Variants in PIWIL2 observed in about 807,000 individuals in gnomAD.
PIWIL2 encodes the protein piwi-like protein 2.
PIWIL2 carries 81 observed loss-of-function variants against 116.5 expected under a neutral mutation model. That is an observed-to-expected ratio of 0.70 (90% CI 0.58 to 0.84). PIWIL2 has a LOEUF of 0.84. Among genes scored for constraint, PIWIL2 ranks in the 40% least tolerant of loss-of-function variants. The pLI, the probability that PIWIL2 is intolerant of heterozygous loss-of-function variation, is 0.00. For synonymous variants in PIWIL2, 489 were observed against 429.5 expected (o/e 1.14, Z -1.71); for missense variants, 1,272 against 1,212.3 (o/e 1.05, Z -0.73).
At chr8:22,277,537 T>C (rs1459353567) in intron 1 of PIWIL2, among the ~76,000 whole-genome samples, 1 of 152,172 alleles carries the variant, frequency 6.6e-6, no homozygotes, top group East Asian at 1.9e-4. Context: ...TTTTTTTTTC[T>C]ATTTTTTAAT....
Position 22,330,127 on chromosome 8 carries a change from TTTTC to T in PIWIL2, c.2403+11859_2403+11862del, listed in dbSNP as rs550659823. Among the ~76,000 whole-genome samples the T allele has an allele frequency of 4.4e-3, 670 of 152,286 alleles. 5 individuals carry two copies. The highest frequency in any genetic ancestry group is 0.015 in the African/African-American group (633 of 41,550). ...CCCAGGTTTCAGAGGCTGTCTTCAT[TTTTC>T]TTTCTTATTTCTTTTTCTTATACTG... On this transcript the variant is annotated intron_variant, in intron 20 of 22. Transcript: ENST00000356766.
chr8:22,356,298 C>T lies in PIWIL2; in HGVS notation c.*793C>T, dbSNP rs1563442336. ...TGCTATTACTGGCAGGTGTGCAAGGCGTGTAGTAAAATCAGTTTGTGGCAT... is the reference window on the plus strand; with the variant it reads ...TGCTATTACTGGCAGGTGTGCAAGGTGTGTAGTAAAATCAGTTTGTGGCAT... On this transcript the variant is annotated 3_prime_UTR_variant, in exon 23 of 23. Coordinates refer to ENST00000356766, the MANE Select transcript of PIWIL2 (RefSeq NM_018068.5). The T allele has an allele frequency of 6.6e-6, 1 of 152,044 alleles. No homozygotes were observed. Among genetic ancestry groups the T allele is most frequent in the Non-Finnish European group, 1.5e-5 (1 of 68,024 alleles). The allele number at this position is 152,044 out of a possible 1,614,324, so 9.4% of individuals were successfully genotyped here. A position where few individuals can be genotyped will look rare whatever the true frequency, so the allele number is the denominator to read the frequency against.
At chr8:22,321,349 G>A (rs1273924330) in intron 20 of PIWIL2, among the ~76,000 whole-genome samples, 1 of 152,082 alleles carries the variant, frequency 6.6e-6, no homozygotes, top group African/African-American at 2.4e-5. Flanking sequence ...CTGGGCTCAA[G>A]CGATCCTCCC....
intron 9 of PIWIL2, 31 bp from the exon 10 acceptor site, chr8:22,290,202 A>G: frequency 7.3e-7 from 1 of 1,366,334 alleles, no homozygotes; most frequent in Non-Finnish European, 1.0e-6. Flanking sequence ...TTCTTTGAAA[A>G]TCCTACAGTT....
At chr8:22,329,961 G>A (rs977738017) in intron 20 of PIWIL2, among the ~76,000 whole-genome samples, 1 of 152,120 alleles carries the variant, frequency 6.6e-6, no homozygotes, top group Non-Finnish European at 1.5e-5. Flanking sequence ...AGGCTTTGGG[G>A]ATGTGTCCGT....
At position 22,355,896 on chromosome 8, in the gene PIWIL2, A is replaced by C; in HGVS notation, c.*391A>C. ...AGACCATCCTGGCCAACATGGTGAAACCCCGTCTCTACTAAAATACAAAAA... is the reference window on the plus strand; with the variant it reads ...AGACCATCCTGGCCAACATGGTGAACCCCCGTCTCTACTAAAATACAAAAA... On this transcript the variant is annotated 3_prime_UTR_variant, in exon 23 of 23. Transcript: ENST00000356766. 1 of 182,970 alleles carries C rather than the reference A, an allele frequency of 5.5e-6. No homozygotes were observed. Among genetic ancestry groups the C allele is most frequent in the South Asian group, 1.3e-4 (1 of 7,852 alleles). 11.3% of individuals were successfully genotyped at this position (182,970 alleles called of 1,614,324 possible).
At chr8:22,310,555 T>C (rs895727169) in intron 15 of PIWIL2, among the ~76,000 whole-genome samples, 1 of 152,222 alleles carries the variant, frequency 6.6e-6, no homozygotes, top group African/African-American at 2.4e-5. Flanking sequence ...ATAAAATGCA[T>C]GTTTTTAAAT....
chr8:22,301,804 C>G (rs551404137), intron 10 of PIWIL2, among the ~76,000 whole-genome samples: 13 of 151,862 alleles, frequency 8.6e-5, no homozygotes, highest in Admixed American at 5.9e-4. Flanking sequence ...CAGGTGATGT[C>G]AGGTAACGGT....
intron 1 of PIWIL2, 43 bp from the exon 2 acceptor site, chr8:22,279,298 A>G (rs1430723013): frequency 9.3e-7 from 1 of 1,075,322 alleles, no homozygotes; most frequent in Non-Finnish European, 1.4e-6. Flanking sequence ...TTGAAGGAAA[A>G]GGAAAACAAT....
At chr8:22,289,676 C>T (rs900359290) in intron 8 of PIWIL2, among the ~76,000 whole-genome samples, 171 bp from the exon 9 acceptor site, 2 of 152,196 alleles carry the variant, frequency 1.3e-5, no homozygotes, top group African/African-American at 4.8e-5. Flanking sequence ...AATGCTTTGG[C>T]AGTTTTTGGT....
intron 20 of PIWIL2, among the ~76,000 whole-genome samples, chr8:22,349,283 G>A (rs906654370): frequency 3.3e-5 from 5 of 150,856 alleles, no homozygotes; most frequent in Admixed American, 2.6e-4. Context: ...CTGGGATTAC[G>A]GGCGTGAGCC....
intron 10 of PIWIL2, among the ~76,000 whole-genome samples, chr8:22,294,894 T>C (rs13252071): frequency 1 from 115,768 of 116,316 alleles, 57,610 homozygotes; most frequent in Middle Eastern, 1. Flanking sequence ...AATCCCATCT[T>C]TACTGGAAAA....
At chr8:22,299,502 CCAGT>C (rs2132021244) in intron 10 of PIWIL2, among the ~76,000 whole-genome samples, 1 of 152,156 alleles carries the variant, frequency 6.6e-6, no homozygotes, top group East Asian at 1.9e-4. Flanking sequence ...GCCACCGCGC[CCAGT>C]CAATGATCTT....
chr8:22,315,402 C>T (rs774465408), intron 18 of PIWIL2, among the ~76,000 whole-genome samples: 2 of 152,096 alleles, frequency 1.3e-5, no homozygotes, highest in Non-Finnish European at 1.5e-5. Context: ...CTGCAACGTC[C>T]ACCTCCCAGG....
chr8:22,323,530 C>T (rs572080897), intron 20 of PIWIL2, among the ~76,000 whole-genome samples: 1 of 152,234 alleles, frequency 6.6e-6, no homozygotes. Context: ...GTGCCCAGCC[C>T]AGTCATTTTT....
intron 20 of PIWIL2, among the ~76,000 whole-genome samples, chr8:22,344,494 T>C (rs1293091116): frequency 6.6e-6 from 1 of 152,160 alleles, no homozygotes; most frequent in Non-Finnish European, 1.5e-5. Context: ...AACTTGAAGA[T>C]TCCTCTAAAA....
chr8:22,339,697 A>C (rs1832063760), intron 20 of PIWIL2, among the ~76,000 whole-genome samples: 1 of 152,234 alleles, frequency 6.6e-6, no homozygotes, highest in African/African-American at 2.4e-5. Context: ...AAGACAACGC[A>C]TAGAATGGGA....
chr8:22,283,402 G>C (rs1375708910), intron 5 of PIWIL2, among the ~76,000 whole-genome samples, 162 bp downstream of exon 5: 1 of 152,192 alleles, frequency 6.6e-6, no homozygotes, highest in Admixed American at 6.5e-5. Context: ...CAAAGAGATA[G>C]GACAATTTAT....
rs1831511080 is a variant in PIWIL2 at position 22,318,204 on chromosome 8, C to T, written c.2332C>T (p.Gln778Ter). The T allele has an allele frequency of 1.2e-6, 2 of 1,613,590 alleles. 1 individual carries two copies. The highest frequency in any genetic ancestry group is 2.2e-5 in the South Asian group (2 of 91,076). The change falls in exon 20 of 23, where the codon CAG becomes TAG. Residue 778 changes from glutamine to a stop codon, truncating the protein, a stop_gained. Coordinates refer to ENST00000356766, the MANE Select transcript of PIWIL2 (RefSeq NM_018068.5). LOFTEE classifies it high-confidence loss of function. ...AAAATGGTATTCCCGGGTGGTGTTC[C>T]AGATGCCGCATCAGGAGATTGTGGA... Reference protein sequence around the residue: ...LTKWYSRVVFQMPHQEIVDSL... With the variant: ...LTKWYSRVVF
Sources: allele counts gnomAD v4.1 joint callset (sites outside exome capture counted in the v4.1 genomes callset), GRCh38; gene constraint gnomAD v4.1.1; transcripts MANE v1.5; gene names NCBI Gene and HGNC (gene_info 2026-07-23, HGNC 2026-07-21).